The following DMD variants were observed in gnomAD, a reference collection of about 807,000 sequenced individuals.
DMD encodes the protein dystrophin, also known as mutant dystrophin.
DMD carries 63 observed loss-of-function variants against 330.1 expected under a neutral mutation model. The ratio of observed to expected loss-of-function variants is 0.19; its 90% CI spans 0.16 to 0.24. DMD has a LOEUF of 0.24. DMD is among the 10% of genes least tolerant of loss of function. DMD has a pLI of 1.00. For missense variants in DMD, 3,344 were observed against 2,684.1 expected (o/e 1.25, Z -5.43); for synonymous variants, 1,223 against 959.8 (o/e 1.27, Z -5.07).
intron 74 of DMD, among the ~76,000 whole-genome samples, chrX:31,157,799 C>T (rs2038318474): frequency 1.0e-5 from 1 of 99,494 alleles, no homozygotes; most frequent in African/African-American, 3.7e-5. Context: ...ACTATAGAAT[C>T]TTTTTTTTTT....
intron 55 of DMD, among the ~76,000 whole-genome samples, chrX:31,528,221 A>G (rs777769707): frequency 6.8e-4 from 64 of 94,296 alleles, no homozygotes; most frequent in South Asian, 4.1e-3. Context: ...TAAAATACCT[A>G]AACAGTATAC....
At chrX:31,626,143 C>T (rs765705308) in intron 55 of DMD, among the ~76,000 whole-genome samples, 12 of 110,029 alleles carry the variant, frequency 1.1e-4, no homozygotes, top group South Asian at 4.0e-4. Context: ...GGTCACCATA[C>T]CCAGCTAATT....
intron 1 of DMD, among the ~76,000 whole-genome samples, chrX:33,231,056 T>A (rs1407885845): frequency 8.9e-6 from 1 of 111,797 alleles, no homozygotes; most frequent in Non-Finnish European, 1.9e-5. Context: ...ATGATGTGCT[T>A]GCATAGAAAT....
chrX:31,852,410 T>C (rs1037820948), intron 48 of DMD, among the ~76,000 whole-genome samples: 4 of 111,874 alleles, frequency 3.6e-5, no homozygotes, highest in African/African-American at 1.3e-4. Context: ...CACAGGACAC[T>C]GCTTAGAAGA....
At chrX:32,045,517 C>T (rs1466167452) in intron 44 of DMD, among the ~76,000 whole-genome samples, 1 of 109,811 alleles carries the variant, frequency 9.1e-6, no homozygotes, top group Non-Finnish European at 1.9e-5. Context: ...AATCATGAAT[C>T]GATTAAAGCT....
At chrX:32,848,752 C>T (rs955609136) in intron 3 of DMD, among the ~76,000 whole-genome samples, 1 of 110,948 alleles carries the variant, frequency 9.0e-6, no homozygotes, top group Non-Finnish European at 1.9e-5. Flanking sequence ...TTGGGAAAAG[C>T]TTTACTGAGG....
At chrX:31,835,576 G>A (rs974823629) in intron 49 of DMD, among the ~76,000 whole-genome samples, 6 of 111,752 alleles carry the variant, frequency 5.4e-5, no homozygotes, top group African/African-American at 2.0e-4. Context: ...ATAAAAGTAT[G>A]TTGATATCTA....
chrX:32,335,893 A>G (rs1171630948), intron 41 of DMD, among the ~76,000 whole-genome samples: 1 of 105,465 alleles, frequency 9.5e-6, no homozygotes, highest in African/African-American at 3.5e-5. Flanking sequence ...TATATATAAC[A>G]TGTTATACAT....
At chrX:31,410,944 T>TTTTTTC (rs1384974723) in intron 60 of DMD, among the ~76,000 whole-genome samples, 1 of 98,247 alleles carries the variant, frequency 1.0e-5, no homozygotes, top group African/African-American at 3.9e-5. Flanking sequence ...TTTTTTTTTT[T>TTTTTTC]CAGTAGAGAC....
intron 63 of DMD, among the ~76,000 whole-genome samples, chrX:31,258,958 A>AG (rs2050242871): frequency 9.1e-6 from 1 of 110,324 alleles, no homozygotes; most frequent in African/African-American, 3.3e-5. Flanking sequence ...GGAAAAAAAA[A>AG]AAGCAAGTTA....
intron 7 of DMD, among the ~76,000 whole-genome samples, chrX:32,779,396 C>G (rs2074483716): frequency 9.0e-6 from 1 of 110,587 alleles, no homozygotes; most frequent in Non-Finnish European, 1.9e-5. Context: ...TCTTTTGTCG[C>G]ACATTCCCTT....
intron 44 of DMD, among the ~76,000 whole-genome samples, chrX:32,196,721 C>G (rs1288781933): frequency 9.1e-6 from 1 of 110,482 alleles, no homozygotes; most frequent in Non-Finnish European, 1.9e-5. Context: ...CACGGTGGCT[C>G]ACGCCTGTAA....
chrX:31,737,211 T>C (rs1199576334), intron 51 of DMD, among the ~76,000 whole-genome samples: 1 of 112,011 alleles, frequency 8.9e-6, no homozygotes, highest in Non-Finnish European at 1.9e-5. Context: ...ACTTAAGAAC[T>C]ATAATATAGC....
At chrX:32,310,004 T>C in intron 42 of DMD, 78 bp downstream of exon 42, 1 of 936,702 alleles carries the variant, frequency 1.1e-6, no homozygotes, top group Non-Finnish European at 1.5e-6. Context: ...TGCATACAAT[T>C]TAAGTCAATT....
intron 9 of DMD, among the ~76,000 whole-genome samples, chrX:32,655,049 G>A (rs2060461541): frequency 1.8e-5 from 2 of 110,545 alleles, no homozygotes; most frequent in East Asian, 5.7e-4. Flanking sequence ...TTTCTTATTA[G>A]TCTTGCTAGC....
At chrX:32,408,611 G>A (rs887857302) in intron 30 of DMD, among the ~76,000 whole-genome samples, 4 of 111,558 alleles carry the variant, frequency 3.6e-5, no homozygotes, top group Admixed American at 9.6e-5. Flanking sequence ...ACAAATCTGC[G>A]TGACCAGTAT....
rs374274565 is a variant in DMD at position 31,262,171 on chromosome X, T to G, written c.9225-1155A>C. ...TGGAGGGTTAAAGGATTAGTTGAAA[T>G]AGGTAAGTGACCGGCACCATTTGGT... On this transcript the variant is annotated intron_variant, in intron 62 of 78. Coordinates refer to ENST00000357033, the MANE Select transcript of DMD (RefSeq NM_004006.3). 6.2e-5 allele frequency among the ~76,000 whole-genome samples: 7 copies of G among 112,430 alleles called. No individual in the cohort carries two copies. In the East Asian group the frequency reaches 1.7e-3, roughly 27 times the overall value.
At chrX:33,002,872 A>G (rs1602549639) in intron 2 of DMD, among the ~76,000 whole-genome samples, 1 of 105,386 alleles carries the variant, frequency 9.5e-6, no homozygotes, top group Non-Finnish European at 1.9e-5. Flanking sequence ...AAAAAAAAAA[A>G]AAAGAAGAAG....
chrX:31,670,921 T>C (rs1257768067), intron 53 of DMD, among the ~76,000 whole-genome samples: 1 of 110,241 alleles, frequency 9.1e-6, no homozygotes, highest in Non-Finnish European at 1.9e-5. Context: ...CTTCTTTTTT[T>C]TTTTTTTTTT....
Sources: gnomAD v4.1 joint callset for allele counts (sites outside exome capture counted in the v4.1 genomes callset) on GRCh38, gnomAD v4.1.1 for gene constraint, MANE v1.5 for transcripts, NCBI Gene and HGNC (gene_info 2026-07-23, HGNC 2026-07-21) for gene names.